The following LCA5L variants were observed in gnomAD, a reference collection of about 807,000 sequenced individuals.
LCA5L encodes the protein lebercilin LCA5 like.
In LCA5L, 35 loss-of-function variants were observed where a neutral mutation model predicts 45.4. The ratio of observed to expected loss-of-function variants is 0.77; its 90% CI spans 0.59 to 1.02. The LOEUF is 1.02. Ranked by LOEUF, LCA5L falls within the 50% of genes least tolerant of loss-of-function variation. The pLI is 0.00. For synonymous variants in LCA5L, 233 were observed against 264.7 expected (o/e 0.88, Z 1.16); for missense variants, 668 against 761.6 (o/e 0.88, Z 1.45).
intron 2 of LCA5L, chr21:39,438,728 T>C (rs1289631574): frequency 1.3e-5 from 2 of 152,164 alleles, no homozygotes; most frequent in African/African-American, 2.4e-5. Flanking sequence ...TCTACCAGAA[T>C]GGCAAAAATT....
Position 39,406,193 on chromosome 21 carries a change from C to G in LCA5L, c.1702G>C (p.Glu568Gln), listed in dbSNP as rs752919914. The change falls in exon 11 of 11, where the codon GAG (glutamate) becomes CAG (glutamine). Residue 568 changes from glutamate (E) to glutamine (Q), a missense_variant. Coordinates refer to ENST00000288350, the MANE Select transcript of LCA5L (RefSeq NM_152505.4). ...HLSNREEMEL[E>Q]HSDSGYEPSF... ...GGCTCATACCCACTGTCAGAATGCT[C>G]TAGCTCCATTTCCTCTCTGTTACTG... The G allele has an allele frequency of 2.5e-6, 4 of 1,614,244 alleles. No homozygotes were observed. The highest frequency in any genetic ancestry group is 4.5e-5 in the East Asian group (2 of 44,888).
At chr21:39,437,661 A>G (rs1392673042) in intron 2 of LCA5L, among the ~76,000 whole-genome samples, 1 of 152,060 alleles carries the variant, frequency 6.6e-6, no homozygotes, top group Non-Finnish European at 1.5e-5. Flanking sequence ...CATGTTGCCC[A>G]GGCTAGTCTC....
chr21:39,436,734 G>A (rs2076326156), intron 2 of LCA5L, among the ~76,000 whole-genome samples: 1 of 152,064 alleles, frequency 6.6e-6, no homozygotes. Flanking sequence ...ACCTGCCTTG[G>A]CCTCCCAAAG....
At chr21:39,412,597 T>G (rs1448762031) in intron 7 of LCA5L, among the ~76,000 whole-genome samples, 1 of 150,302 alleles carries the variant, frequency 6.7e-6, no homozygotes, top group Non-Finnish European at 1.5e-5. Context: ...CAGACGTGCA[T>G]GTGCACACAC....
chr21:39,416,480 A>T (rs1410252321), intron 7 of LCA5L, among the ~76,000 whole-genome samples: 2 of 152,134 alleles, frequency 1.3e-5, no homozygotes, highest in African/African-American at 4.8e-5. Context: ...TATTTCCTGC[A>T]CCAGACCTAG....
intron 8 of LCA5L, 76 bp from the exon 9 acceptor site, chr21:39,410,443 CTT>C: frequency 2.6e-6 from 2 of 755,992 alleles, no homozygotes; most frequent in Non-Finnish European, 4.3e-6. Context: ...CATAAAATAA[CTT>C]TTATGCAATG....
chr21:39,439,108 G>C (rs2076561748), intron 2 of LCA5L, among the ~76,000 whole-genome samples: 1 of 152,184 alleles, frequency 6.6e-6, no homozygotes, highest in African/African-American at 2.4e-5. Context: ...AATCACATGG[G>C]CCTGTCTAAG....
intron 3 of LCA5L, among the ~76,000 whole-genome samples, chr21:39,434,682 T>C (rs1373031785): frequency 6.6e-6 from 1 of 152,090 alleles, no homozygotes; most frequent in Non-Finnish European, 1.5e-5. Context: ...CATGCCTGGC[T>C]AATATTTTTA....
intron 2 of LCA5L, among the ~76,000 whole-genome samples, chr21:39,441,536 A>G (rs2076859035): frequency 6.6e-6 from 1 of 152,224 alleles, no homozygotes; most frequent in African/African-American, 2.4e-5. Context: ...GATAACATGA[A>G]AATGTGCCAC....
intron 7 of LCA5L, among the ~76,000 whole-genome samples, chr21:39,417,136 A>G (rs2041337410): frequency 6.6e-6 from 1 of 152,128 alleles, no homozygotes; most frequent in African/African-American, 2.4e-5. Flanking sequence ...GGGTTCAAGC[A>G]TTTCTCCTGC....
chr21:39,420,799 CCGGCTAAAGGCTCT>C lies in LCA5L; in HGVS notation c.868_881del (p.Arg290AlafsTer5), dbSNP rs774067390. 2.3e-5 allele frequency: 37 copies of C among 1,613,156 alleles called. No homozygotes were observed. The highest frequency in any genetic ancestry group is 3.1e-5 in the Non-Finnish European group (37 of 1,179,244). On this transcript the variant is annotated frameshift_variant, in exon 7 of 11. Transcript: ENST00000288350. LOFTEE classifies it high-confidence loss of function. The stretch of plus-strand genomic sequence containing the variant: ...TCTTCCGAGTCTCAATAGCCAGCTG[CCGGCTAAAGGCTCT>C]GCAGTTCAACCTCAGTTGTTTTTCC...
rs1403661304 is a variant in LCA5L at position 39,409,369 on chromosome 21, A to C, written c.1282+610T>G. ...CTGTGGTATTTTCTTATGGCAGCCC[A>C]AGCAGACGAATGTAGCTACATATAA... On this transcript the variant is annotated intron_variant, in intron 10 of 10. Coordinates refer to ENST00000288350, the MANE Select transcript of LCA5L (RefSeq NM_152505.4). This position sits in a 1 kb window ranked among gnomAD's most constrained non-coding sequence, Gnocchi z 4.2. Among the ~76,000 whole-genome samples the C allele has an allele frequency of 1.3e-5, 2 of 152,092 alleles. No individual in the cohort carries two copies. Among genetic ancestry groups the C allele is most frequent in the Non-Finnish European group, 2.9e-5 (2 of 68,020 alleles).
At chr21:39,441,501 T>C (rs1374086701) in intron 2 of LCA5L, among the ~76,000 whole-genome samples, 1 of 152,206 alleles carries the variant, frequency 6.6e-6, no homozygotes, top group African/African-American at 2.4e-5. Flanking sequence ...TATACCTATA[T>C]ATATAAGCAA....
rs959698074 is a variant in LCA5L at position 39,406,144 on chromosome 21, A to G, written c.1751T>C (p.Ile584Thr). The G allele has an allele frequency of 4.3e-6, 7 of 1,614,212 alleles. No individual in the cohort carries two copies. Among genetic ancestry groups the G allele is most frequent in the Non-Finnish European group, 5.9e-6 (7 of 1,180,042 alleles). Residue 584 changes from isoleucine to threonine, a missense_variant, in exon 11 of 11, where the codon ATA (isoleucine) becomes ACA (threonine). Coordinates refer to ENST00000288350, the MANE Select transcript of LCA5L (RefSeq NM_152505.4). Reference protein sequence around the residue: ...YEPSFGKSSRIKVKDTTFRDK... With the variant: ...YEPSFGKSSRTKVKDTTFRDK... ...TCTGAAAGTTGTATCCTTCACTTTTATTCTGGAAGACTTACCAAATGAGGG... is the reference window on the plus strand; with the variant it reads ...TCTGAAAGTTGTATCCTTCACTTTTGTTCTGGAAGACTTACCAAATGAGGG...
intron 8 of LCA5L, among the ~76,000 whole-genome samples, chr21:39,411,463 G>A (rs2040073578): frequency 6.6e-6 from 1 of 152,178 alleles, no homozygotes; most frequent in African/African-American, 2.4e-5. Flanking sequence ...TTTGCTTCAA[G>A]CTGAAGTTAT....
chr21:39,413,042 T>G (rs2040385669), intron 7 of LCA5L, among the ~76,000 whole-genome samples: 1 of 152,128 alleles, frequency 6.6e-6, no homozygotes, highest in Non-Finnish European at 1.5e-5. Context: ...AGCATTTGCA[T>G]CAACAGTCAG....
At chr21:39,408,136 C>T (rs2039430252) in intron 10 of LCA5L, among the ~76,000 whole-genome samples, 1 of 152,218 alleles carries the variant, frequency 6.6e-6, no homozygotes, top group South Asian at 2.1e-4. Flanking sequence ...TGCGGGGCTG[C>T]AGCCAGATCT....
At chr21:39,414,742 C>CTCTCTCTGTGTGTGTG (rs1341489035) in intron 7 of LCA5L, among the ~76,000 whole-genome samples, 19 of 99,230 alleles carry the variant, frequency 1.9e-4, no homozygotes, top group African/African-American at 7.9e-4. Context: ...CTCTCTCTCT[C>CTCTCTCTGTGTGTGTG]TGTGTGTGTG....
rs1254647036 is a variant in LCA5L, at chr21:39,410,510, T to C, written c.1061-143A>G. On this transcript the variant is annotated intron_variant, in intron 8 of 10. Transcript: ENST00000288350. ...AATATTCAATATATATATAAGCATTTGTTAGTTTCCTGTTTTTCCCTCCAG... is the reference window on the plus strand; with the variant it reads ...AATATTCAATATATATATAAGCATTCGTTAGTTTCCTGTTTTTCCCTCCAG... 5 of 541,116 alleles carry C rather than the reference T, an allele frequency of 9.2e-6. No homozygotes were observed. In the Admixed American group the frequency reaches 1.8e-4, roughly 20 times the overall value. 33.5% of individuals were successfully genotyped at this position (541,116 alleles called of 1,614,324 possible).
Sources: allele counts gnomAD v4.1 joint callset (sites outside exome capture counted in the v4.1 genomes callset), GRCh38; gene constraint gnomAD v4.1.1; non-coding constraint Gnocchi (gnomAD v3.1); transcripts MANE v1.5; gene names NCBI Gene and HGNC (gene_info 2026-07-23, HGNC 2026-07-21).